Variants in RERG observed in about 807,000 individuals in gnomAD.
RERG encodes ras-related and estrogen-regulated growth inhibitor.
In RERG, 25 loss-of-function variants were observed where a neutral mutation model predicts 23.2. The observed-to-expected ratio is 1.08, with a 90% CI of 0.79 to 1.50. RERG has a LOEUF of 1.50. RERG is among the 40% of genes most tolerant of loss of function. RERG has a pLI of 0.00. For missense variants in RERG, 253 were observed against 250.1 expected (o/e 1.01, Z -0.08); for synonymous variants, 81 against 89.1 (o/e 0.91, Z 0.51).
intron 2 of RERG, among the ~76,000 whole-genome samples, chr12:15,212,355 G>A (rs1865380409): frequency 6.6e-6 from 1 of 151,746 alleles, no homozygotes; most frequent in African/African-American, 2.4e-5. Flanking sequence ...CACCGCGCCC[G>A]GCCACGAATA....
In RERG at chr12:15,218,770, C is replaced by A. The variant is rs191859862; in HGVS notation, c.-114-1167G>T. Among the ~76,000 whole-genome samples the A allele has an allele frequency of 5.9e-5, 9 of 151,952 alleles. No individual in the cohort carries two copies. In the East Asian group the frequency reaches 1.7e-3, roughly 29 times the overall value. On this transcript the variant is annotated intron_variant, in intron 1 of 4. Coordinates refer to ENST00000256953, the MANE Select transcript of RERG (RefSeq NM_032918.3). ...CTTCTTTTTTCTAGGAACATGAGGC[C>A]CAGCCTGTCCACTTGTTCTTCCCGG...
chr12:15,125,550 A>G (rs956990681), intron 2 of RERG, among the ~76,000 whole-genome samples: 3 of 152,022 alleles, frequency 2.0e-5, no homozygotes, highest in African/African-American at 4.8e-5. Flanking sequence ...GGAGGCAATG[A>G]CATACATTAC....
At chr12:15,218,004 A>C (rs1233511809) in intron 1 of RERG, 1 of 153,056 alleles carries the variant, frequency 6.5e-6, no homozygotes, top group African/African-American at 2.4e-5. Context: ...GGGCCTCTTC[A>C]TGTCTCTTTG....
chr12:15,138,404 C>A (rs933431308), intron 2 of RERG, among the ~76,000 whole-genome samples: 3 of 151,862 alleles, frequency 2.0e-5, no homozygotes, highest in African/African-American at 7.3e-5. Context: ...TCAGTTTTAC[C>A]AGTTTCTATT....
chr12:15,217,158 G>C (rs1008439004), intron 2 of RERG: 14 of 358,610 alleles, frequency 3.9e-5, no homozygotes, highest in Non-Finnish European at 7.1e-5. Flanking sequence ...GATTTCTTTG[G>C]AGGTTGTTAA....
intron 2 of RERG, among the ~76,000 whole-genome samples, chr12:15,207,798 G>T (rs1352247101): frequency 6.6e-6 from 1 of 152,130 alleles, no homozygotes; most frequent in African/African-American, 2.4e-5. Context: ...ATTTTGTGAA[G>T]GGCTGTCATA....
chr12:15,114,225 A>G (rs1863677249), intron 3 of RERG, among the ~76,000 whole-genome samples: 1 of 152,086 alleles, frequency 6.6e-6, no homozygotes, highest in South Asian at 2.1e-4. Flanking sequence ...ATAAAAGCTC[A>G]TGCACAGACC....
chr12:15,117,352 C>T (rs1301857498), intron 3 of RERG, among the ~76,000 whole-genome samples: 1 of 152,108 alleles, frequency 6.6e-6, no homozygotes. Context: ...TCTCTAAGCT[C>T]CTTGCAGTGC....
chr12:15,111,196 T>C, intron 4 of RERG, 148 bp downstream of exon 4: 2 of 587,398 alleles, frequency 3.4e-6, no homozygotes, highest in South Asian at 4.5e-5. Context: ...TACAAATATG[T>C]TAATATATAA....
Position 15,129,938 on chromosome 12 carries a change from G to A in RERG, c.62-8819C>T, listed in dbSNP as rs1251506737. On this transcript the variant is annotated intron_variant, in intron 2 of 4. Transcript: ENST00000256953. ...TGGACAGTGAGGGAGAGGGATTAGTGCAAAGACTCCACATGAAATAAAAGT... is the reference window on the plus strand; with the variant it reads ...TGGACAGTGAGGGAGAGGGATTAGTACAAAGACTCCACATGAAATAAAAGT... Among the ~76,000 whole-genome samples the A allele has an allele frequency of 2.0e-5, 3 of 152,092 alleles. No homozygotes were observed. The East Asian group carries it at 5.8e-4, about 29-fold the overall frequency.
intron 2 of RERG, among the ~76,000 whole-genome samples, chr12:15,147,177 T>C (rs966700224): frequency 4.6e-5 from 7 of 152,070 alleles, no homozygotes; most frequent in Non-Finnish European, 1.0e-4. Context: ...CTAGTAAACA[T>C]TGGATGAAAC....
At chr12:15,183,539 C>T (rs535152246) in intron 2 of RERG, among the ~76,000 whole-genome samples, 1 of 152,052 alleles carries the variant, frequency 6.6e-6, no homozygotes, top group African/African-American at 2.4e-5. Context: ...AGTATTCAAT[C>T]GAAGTTTCTA....
intron 2 of RERG, among the ~76,000 whole-genome samples, chr12:15,206,389 G>T (rs1427540508): frequency 2.0e-5 from 3 of 152,088 alleles, no homozygotes; most frequent in Admixed American, 6.6e-5. Flanking sequence ...ACCCAACAGG[G>T]CATGGCACTC....
chr12:15,126,139 ATATATATATATATG>A lies in RERG; in HGVS notation c.62-5034_62-5021del, dbSNP rs934455903. On this transcript the variant is annotated intron_variant, in intron 2 of 4. Coordinates refer to ENST00000256953, the MANE Select transcript of RERG (RefSeq NM_032918.3). ...AATGTTGTATATACCATATATATAT[ATATATATATATATG>A]TATTTACACACATACATTTTTACAT... Among the ~76,000 whole-genome samples, 127 of 140,678 alleles carry A rather than the reference ATATATATATATATG, an allele frequency of 9.0e-4. 14 individuals carry two copies. Among genetic ancestry groups the A allele is most frequent in the East Asian group, 8.1e-4 (4 of 4,922 alleles). The allele number at this position is 140,678 out of a possible 152,430, so 92.3% of individuals were successfully genotyped here. A position where few individuals can be genotyped will look rare whatever the true frequency, so the allele number is the denominator to read the frequency against.
chr12:15,163,220 A>G (rs1017760201), intron 2 of RERG, among the ~76,000 whole-genome samples: 3 of 152,202 alleles, frequency 2.0e-5, no homozygotes, highest in Non-Finnish European at 2.9e-5. Context: ...AAAGAGAAAT[A>G]AATAATATGC....
intron 2 of RERG, among the ~76,000 whole-genome samples, chr12:15,163,910 G>A (rs571799096): frequency 1.3e-4 from 20 of 152,086 alleles, no homozygotes; most frequent in Middle Eastern, 3.2e-3. Flanking sequence ...GGGGTAGGGC[G>A]GAGAGAGAGA....
intron 2 of RERG, among the ~76,000 whole-genome samples, chr12:15,123,301 T>C (rs554121296): frequency 3.3e-5 from 5 of 152,090 alleles, no homozygotes; most frequent in South Asian, 4.2e-4. Flanking sequence ...CTGAACATAA[T>C]TGAATCATTT....
intron 2 of RERG, among the ~76,000 whole-genome samples, chr12:15,207,946 T>C (rs1385759980): frequency 6.6e-6 from 1 of 152,174 alleles, no homozygotes; most frequent in African/African-American, 2.4e-5. Context: ...ATTTAATGTG[T>C]GAATCTGGCT....
At position 15,111,328 on chromosome 12, in the gene RERG, T is replaced by G. The variant is rs757505892; in HGVS notation, c.192+16A>C. On this transcript the variant is annotated intron_variant, in intron 4 of 4. Coordinates refer to ENST00000256953, the MANE Select transcript of RERG (RefSeq NM_032918.3). Reference sequence around the variant, plus strand: ...ATTTGATCCAGAAAAATATTTTAGCTGAACTCTTTATTCACCTGACCAGCA... The same window carrying G: ...ATTTGATCCAGAAAAATATTTTAGCGGAACTCTTTATTCACCTGACCAGCA... The G allele has an allele frequency of 1.9e-6, 3 of 1,580,114 alleles. No homozygotes were observed. In the African/African-American group the frequency reaches 4.1e-5, roughly 21 times the overall value.
Sources: allele counts gnomAD v4.1 joint callset (sites outside exome capture counted in the v4.1 genomes callset), GRCh38; gene constraint gnomAD v4.1.1; transcripts MANE v1.5; gene names NCBI Gene and HGNC (gene_info 2026-07-23, HGNC 2026-07-21).